Variants in MAPK9 observed in about 807,000 individuals in gnomAD.
MAPK9 encodes mitogen-activated protein kinase 9, also known as Jun kinase.
MAPK9 carries 30 observed loss-of-function variants against 57.1 expected under a neutral mutation model. The observed-to-expected ratio is 0.53, with a 90% CI of 0.39 to 0.71. The LOEUF is 0.71. Among genes scored for constraint, MAPK9 ranks in the 30% least tolerant of loss-of-function variants. The pLI is 0.00. For missense variants in MAPK9, 362 were observed against 521.0 expected (o/e 0.69, Z 2.97); for synonymous variants, 155 against 177.0 (o/e 0.88, Z 0.99).
chr5:180,260,042 C>G (rs1253027654), intron 5 of MAPK9, among the ~76,000 whole-genome samples: 1 of 152,194 alleles, frequency 6.6e-6, no homozygotes, highest in African/African-American at 2.4e-5. Flanking sequence ...GTTCCAGTTA[C>G]CTCTGAGCAC....
intron 4 of MAPK9, among the ~76,000 whole-genome samples, chr5:180,263,434 G>A (rs1581237404): frequency 6.6e-6 from 1 of 152,224 alleles, no homozygotes; most frequent in East Asian, 1.9e-4. Context: ...CAACCCAGAT[G>A]CCAGAGTTAC....
At chr5:180,285,587 C>G (rs1187161458) in intron 1 of MAPK9, among the ~76,000 whole-genome samples, 1 of 152,154 alleles carries the variant, frequency 6.6e-6, no homozygotes, top group Non-Finnish European at 1.5e-5. Flanking sequence ...CACAATCACC[C>G]TCTGTCTCAA....
intron 1 of MAPK9, among the ~76,000 whole-genome samples, chr5:180,283,591 T>C (rs759461633): frequency 1.3e-5 from 2 of 152,234 alleles, no homozygotes; most frequent in South Asian, 2.1e-4. Context: ...TTTTTTAAAT[T>C]TGGGGAGTAT....
At chr5:180,258,564 C>T (rs1471805720) in intron 5 of MAPK9, among the ~76,000 whole-genome samples, 2 of 152,056 alleles carry the variant, frequency 1.3e-5, no homozygotes, top group East Asian at 1.9e-4. Flanking sequence ...AATCCTATAA[C>T]TGTAAAAAAT....
intron 5 of MAPK9, among the ~76,000 whole-genome samples, chr5:180,259,128 A>G (rs1317198868): frequency 1.3e-5 from 2 of 152,242 alleles, no homozygotes; most frequent in African/African-American, 4.8e-5. Context: ...CTTTGACTGT[A>G]AGGAATGTGG....
At chr5:180,274,135 G>T (rs970225169) in intron 2 of MAPK9, among the ~76,000 whole-genome samples, 4 of 151,906 alleles carry the variant, frequency 2.6e-5, no homozygotes, top group Non-Finnish European at 5.9e-5. Context: ...TTAGCTTTTT[G>T]TATACAAGTC....
chr5:180,280,497 A>T lies in MAPK9; in HGVS notation c.65T>A (p.Val22Asp). The change falls in exon 2 of 12, where the codon GTC becomes GAC. Residue 22 changes from valine (V) to aspartate (D), a missense_variant. Physicochemically the swap from Val to Asp is radical, Grantham distance 152 (BLOSUM62 -3). This residue lies in a region of MAPK9 where 36 missense variants were observed against 38.0 expected (regional missense o/e 0.95). Coordinates refer to ENST00000452135, the MANE Select transcript of MAPK9 (RefSeq NM_002752.5). ...SVQVADSTFT[V>D]LKRYQQLKPI... ...TTTCAGCTGCTGGTAACGTTTTAGG[A>T]CAGTGAAGGTTGAGTCTGCCACTTG... The T allele has an allele frequency of 6.2e-7, 1 of 1,614,234 alleles. No individual in the cohort carries two copies. Among genetic ancestry groups the T allele is most frequent in the Non-Finnish European group, 8.5e-7 (1 of 1,180,026 alleles).
At chr5:180,270,568 A>G (rs1761163121) in intron 2 of MAPK9, among the ~76,000 whole-genome samples, 1 of 152,200 alleles carries the variant, frequency 6.6e-6, no homozygotes, top group South Asian at 2.1e-4. Flanking sequence ...ATTTGAAAAT[A>G]GGCCAGGTGT....
Position 180,280,431 on chromosome 5 carries a change from C to T in MAPK9, c.122+9G>A. 1 of 1,613,164 alleles carries T rather than the reference C, an allele frequency of 6.2e-7. No homozygotes were observed. The highest frequency in any genetic ancestry group is 8.5e-7 in the Non-Finnish European group (1 of 1,179,770). On this transcript the variant is annotated intron_variant, in intron 2 of 11. Coordinates refer to ENST00000452135, the MANE Select transcript of MAPK9 (RefSeq NM_002752.5). ...CTCAATCCACGCTATTAAAACAGACCATACTTACCAAACAATCCCTTGGGC... is the reference window on the plus strand; with the variant it reads ...CTCAATCCACGCTATTAAAACAGACTATACTTACCAAACAATCCCTTGGGC...
chr5:180,244,379 T>A (rs189130396), intron 7 of MAPK9, among the ~76,000 whole-genome samples: 1 of 152,136 alleles, frequency 6.6e-6, no homozygotes, highest in Non-Finnish European at 1.5e-5. Context: ...TTCCACCACG[T>A]TGGTAAATGA....
At position 180,241,391 on chromosome 5, in the gene MAPK9, G is replaced by A. The variant is rs112539037; in HGVS notation, c.872-236C>T. ...TGGCTCACTGCAAGTTCCACCTCCCGGGTTCACGCCATTCTCCTACCTCAG... is the reference window on the plus strand; with the variant it reads ...TGGCTCACTGCAAGTTCCACCTCCCAGGTTCACGCCATTCTCCTACCTCAG... On this transcript the variant is annotated intron_variant, in intron 8 of 11. Transcript: ENST00000452135. Among the ~76,000 whole-genome samples the A allele has an allele frequency of 8.6e-3, 1,295 of 151,352 alleles. 14 individuals carry two copies. Among genetic ancestry groups the A allele is most frequent in the Admixed American group, 0.024 (370 of 15,200 alleles).
At chr5:180,276,362 A>C (rs1237572071) in intron 2 of MAPK9, among the ~76,000 whole-genome samples, 1 of 152,200 alleles carries the variant, frequency 6.6e-6, no homozygotes, top group African/African-American at 2.4e-5. Flanking sequence ...AAGGTTAAGC[A>C]TTTCATAGAA....
At position 180,251,817 on chromosome 5, in the gene MAPK9, C is replaced by T. The variant is rs139816568; in HGVS notation, c.451-2679G>A. Among the ~76,000 whole-genome samples, 79 of 152,246 alleles carry T rather than the reference C, an allele frequency of 5.2e-4. 3 individuals are homozygous for T. The East Asian group carries it at 0.014, about 26-fold the overall frequency. The stretch of plus-strand genomic sequence containing the variant: ...GCAGCAGTGAGGGTACCCACAGCAC[C>T]CGCAGCATGAGTGGGGCAGGTGCTG... On this transcript the variant is annotated intron_variant, in intron 5 of 11. Transcript: ENST00000452135.
chr5:180,287,149 G>A (rs1762840977), intron 1 of MAPK9: 1 of 152,228 alleles, frequency 6.6e-6, no homozygotes, highest in Admixed American at 6.5e-5. Flanking sequence ...GGGCTGCTGT[G>A]GCTGTAAGGG....
chr5:180,233,533 T>C lies in MAPK9; in HGVS notation c.*2851A>G, dbSNP rs1359729714. 1 of 152,270 alleles carries C rather than the reference T, an allele frequency of 6.6e-6. No individual in the cohort carries two copies. The highest frequency in any genetic ancestry group is 1.5e-5 in the Non-Finnish European group (1 of 68,040). The allele number at this position is 152,270 out of a possible 1,614,324, so 9.4% of individuals were successfully genotyped here. On this transcript the variant is annotated 3_prime_UTR_variant, in exon 12 of 12. Transcript: ENST00000452135. ...TTCATGTTAAATCTGTCATCAGAGATGGTGATGGAGAAATATCTAATTGCC... is the reference window on the plus strand; with the variant it reads ...TTCATGTTAAATCTGTCATCAGAGACGGTGATGGAGAAATATCTAATTGCC...
At chr5:180,240,486 GACATAA>G (rs1757553977) in intron 9 of MAPK9, among the ~76,000 whole-genome samples, 2 of 152,206 alleles carry the variant, frequency 1.3e-5, no homozygotes, top group Non-Finnish European at 2.9e-5. Flanking sequence ...CACAGGCCAT[GACATAA>G]ACATGTATTT....
At chr5:180,241,998 TA>T (rs1399565322) in intron 8 of MAPK9, among the ~76,000 whole-genome samples, 3 of 152,232 alleles carry the variant, frequency 2.0e-5, no homozygotes, top group African/African-American at 7.2e-5. Flanking sequence ...CTTTTTTTTT[TA>T]ATCTACAGAT....
At chr5:180,274,387 G>A (rs1293555316) in intron 2 of MAPK9, among the ~76,000 whole-genome samples, 1 of 152,194 alleles carries the variant, frequency 6.6e-6, no homozygotes, top group Non-Finnish European at 1.5e-5. Flanking sequence ...CCCTTTAAAG[G>A]CAGAGTTTGC....
chr5:180,271,188 A>T (rs1761273012), intron 2 of MAPK9, among the ~76,000 whole-genome samples: 1 of 148,874 alleles, frequency 6.7e-6, no homozygotes, highest in South Asian at 2.1e-4. Context: ...TTGTCATTTT[A>T]AAAAAGTTTT....
Sources: allele counts gnomAD v4.1 joint callset (sites outside exome capture counted in the v4.1 genomes callset), GRCh38; gene constraint gnomAD v4.1.1; regional missense constraint gnomAD v4.1.1; transcripts MANE v1.5; gene names NCBI Gene and HGNC (gene_info 2026-07-23, HGNC 2026-07-21).